Variants in ZFAT observed in about 807,000 individuals in gnomAD.
ZFAT encodes zinc finger and AT-hook domain containing, also known as zinc finger protein ZFAT.
A neutral mutation model predicts 117.7 loss-of-function variants in ZFAT; 64 were observed. The observed-to-expected ratio is 0.54, with a 90% confidence interval of 0.44 to 0.67. The LOEUF is 0.67. Ranked by LOEUF, ZFAT falls within the 30% of genes least tolerant of loss-of-function variation. The probability of loss-of-function intolerance (pLI) is 0.00; values close to 1 mark genes in which losing one functional copy is unlikely to be tolerated. For missense variants in ZFAT, 1,433 were observed against 1,584.5 expected, an observed-to-expected ratio of 0.90 and a Z score of 1.62; for synonymous variants, 679 against 615.0, an observed-to-expected ratio of 1.10 and a Z score of -1.54.
the ZFAT span, among the ~76,000 whole-genome samples, chr8:134,721,453 G>A: frequency 5.9e-5 from 9 of 152,188 alleles, no homozygotes; most frequent in African/African-American, 9.7e-5. Flanking sequence ...ACAGGCTGAC[G>A]GAAGAGGATG....
chr8:134,747,140 G>T, the ZFAT span, among the ~76,000 whole-genome samples: 1,928 of 152,072 alleles, frequency 0.013, 47 homozygotes, highest in African/African-American at 0.044. Flanking sequence ...CCAGGTTGGA[G>T]TGCAGTGGCA....
intron 2 of ZFAT, among the ~76,000 whole-genome samples, chr8:134,643,570 C>T (rs1215701597): frequency 1.3e-5 from 2 of 152,174 alleles, no homozygotes; most frequent in Admixed American, 1.3e-4. Context: ...TGACAGGTGA[C>T]AAAAGTCACA....
At chr8:134,729,398 C>T in the ZFAT span, among the ~76,000 whole-genome samples, 1 of 152,250 alleles carries the variant, frequency 6.6e-6, no homozygotes, top group African/African-American at 2.4e-5. Flanking sequence ...GTGGCGTGAT[C>T]TCAGCTCACT....
rs867377188 is a variant in ZFAT at position 134,509,648 on chromosome 8, C to T, written c.3463G>A (p.Ala1155Thr). Residue 1155 changes from alanine to threonine, a missense_variant, in exon 15 of 16, where the codon GCA becomes ACA. Physicochemically the swap from Ala to Thr is moderately conservative, Grantham distance 58. Transcript: ENST00000377838. ...ATALASVVAMAPGTVTVVKQV... is the reference protein window; with the variant it reads ...ATALASVVAMTPGTVTVVKQV... ...TTAACCACAGTCACCGTCCCTGGTGCCATGGCAACCACCGAGGCAAGGGCA... is the reference window on the plus strand; with the variant it reads ...TTAACCACAGTCACCGTCCCTGGTGTCATGGCAACCACCGAGGCAAGGGCA... 4.3e-6 allele frequency: 7 copies of T among 1,612,906 alleles called. No individual in the cohort carries two copies. In the African/African-American group the frequency reaches 9.4e-5, roughly 22 times the overall value.
rs1455568752 is a variant in ZFAT at position 134,707,380 on chromosome 8, C to CAA, written c.19+5463_19+5464dup. 2.0e-5 allele frequency among the ~76,000 whole-genome samples: 3 copies of CAA among 152,070 alleles called. No homozygotes were observed. In the East Asian group the frequency reaches 5.8e-4, roughly 29 times the overall value. On this transcript the variant is annotated intron_variant, in intron 1 of 15. Transcript: ENST00000377838. ...GACTTTGCATGCCTAGCAAACAGCACAAAGTTTGGCATAAACATCTAGGTA... is the reference window on the plus strand; with the variant it reads ...GACTTTGCATGCCTAGCAAACAGCACAAAAAGTTTGGCATAAACATCTAGGTA...
At chr8:134,537,699 A>G (rs1678735927) in intron 11 of ZFAT, among the ~76,000 whole-genome samples, 1 of 152,206 alleles carries the variant, frequency 6.6e-6, no homozygotes, top group Admixed American at 6.5e-5. Flanking sequence ...TGAAAGGAAC[A>G]AGACTGGAGG....
chr8:134,683,457 G>A (rs1389057957), intron 1 of ZFAT, among the ~76,000 whole-genome samples: 1 of 152,206 alleles, frequency 6.6e-6, no homozygotes, highest in East Asian at 1.9e-4. Flanking sequence ...TGTGGAGAAG[G>A]CAGAGATCCC....
chr8:134,634,341 T>C (rs1418314389), intron 3 of ZFAT, among the ~76,000 whole-genome samples: 1 of 152,196 alleles, frequency 6.6e-6, no homozygotes, highest in Non-Finnish European at 1.5e-5. Flanking sequence ...GTAACAGTCA[T>C]TGACCCCAGG....
chr8:134,570,298 C>A (rs1455179624), intron 10 of ZFAT, among the ~76,000 whole-genome samples: 5 of 152,096 alleles, frequency 3.3e-5, no homozygotes, highest in Non-Finnish European at 5.9e-5. Flanking sequence ...CATTTCTCAG[C>A]CTATATTTTC....
chr8:134,625,210 C>T (rs542832898), intron 3 of ZFAT, among the ~76,000 whole-genome samples: 3 of 152,264 alleles, frequency 2.0e-5, no homozygotes, highest in South Asian at 2.1e-4. Flanking sequence ...CCAGCATGTG[C>T]TCTTCCCAAT....
intron 2 of ZFAT, among the ~76,000 whole-genome samples, chr8:134,653,281 A>C (rs1277221112): frequency 1.5e-5 from 2 of 135,080 alleles, no homozygotes; most frequent in African/African-American, 5.2e-5. Flanking sequence ...AAAAAAAAAA[A>C]AAAAAAAAAA....
chr8:134,610,322 T>C, intron 4 of ZFAT, 148 bp downstream of exon 4: 3 of 884,298 alleles, frequency 3.4e-6, no homozygotes, highest in African/African-American at 1.7e-5. Flanking sequence ...AGTAAGTAAG[T>C]CTCATCCTCT....
At position 134,707,755 on chromosome 8, in the gene ZFAT, C is replaced by A. The variant is rs529939272; in HGVS notation, c.19+5090G>T. On this transcript the variant is annotated intron_variant, in intron 1 of 15. Coordinates refer to ENST00000377838, the MANE Select transcript of ZFAT (RefSeq NM_020863.4). ...ATCCTCTAAGGCCAGGTCCCTACCC[C>A]ACCCATCCTGCCTTGATCAGACTGT... 3.9e-5 allele frequency among the ~76,000 whole-genome samples: 6 copies of A among 152,382 alleles called. No homozygotes were observed. The East Asian group carries it at 9.6e-4, about 24-fold the overall frequency.
the ZFAT span, among the ~76,000 whole-genome samples, chr8:134,767,842 G>T: frequency 1.7e-3 from 257 of 151,990 alleles, no homozygotes; most frequent in African/African-American, 5.8e-3. Flanking sequence ...CATTTCTATG[G>T]TCTTTGAATC....
chr8:134,729,284 C>G, the ZFAT span, among the ~76,000 whole-genome samples: 1 of 152,196 alleles, frequency 6.6e-6, no homozygotes, highest in African/African-American at 2.4e-5. Context: ...TGGGAGATGG[C>G]TGGATTTGGG....
At chr8:134,614,972 A>T (rs1482530397) in intron 3 of ZFAT, among the ~76,000 whole-genome samples, 2 of 152,200 alleles carry the variant, frequency 1.3e-5, no homozygotes, top group Non-Finnish European at 2.9e-5. Context: ...GGGAGAAAAG[A>T]AGGAGAAAGA....
chr8:134,817,396 CA>C, the ZFAT span, among the ~76,000 whole-genome samples: 1 of 24,768 alleles, frequency 4.0e-5, no homozygotes, highest in Non-Finnish European at 1.1e-4. Flanking sequence ...TCTCTCTCTA[CA>C]CACACACACA....
intron 7 of ZFAT, chr8:134,599,559 C>T: frequency 3.0e-6 from 1 of 331,260 alleles, no homozygotes; most frequent in Middle Eastern, 1.1e-3. Flanking sequence ...GTATCCAACC[C>T]CAAAGCCCAT....
chr8:134,635,145 C>T lies in ZFAT; in HGVS notation c.448+2316G>A, dbSNP rs917563456. 7.2e-5 allele frequency among the ~76,000 whole-genome samples: 11 copies of T among 152,082 alleles called. No individual in the cohort carries two copies. The East Asian group carries it at 1.3e-3, about 19-fold the overall frequency. ...CAGGCCACAGACCCGTACAAACCTG[C>T]GGCCCAGGGATTGGGGACCCCTGTT... On this transcript the variant is annotated intron_variant, in intron 3 of 15. Transcript: ENST00000377838.
Sources: allele counts gnomAD v4.1 joint callset (sites outside exome capture counted in the v4.1 genomes callset), GRCh38; gene constraint gnomAD v4.1.1; transcripts MANE v1.5; gene names NCBI Gene and HGNC (gene_info 2026-07-23, HGNC 2026-07-21).